FBXL7: variants seen among roughly 807,000 people sequenced by gnomAD.
FBXL7 encodes F-box/LRR-repeat protein 7.
In FBXL7, 12 loss-of-function variants were observed where a neutral mutation model predicts 38.3. The ratio of observed to expected loss-of-function variants is 0.31; its 90% CI spans 0.20 to 0.51. FBXL7 has a LOEUF of 0.51. Among genes scored for constraint, FBXL7 ranks in the 20% least tolerant of loss-of-function variants. The pLI, the probability that FBXL7 is intolerant of heterozygous loss-of-function variation, is 0.98. For missense variants in FBXL7, 567 were observed against 676.4 expected (o/e 0.84, Z 1.79); for synonymous variants, 297 against 300.9 (o/e 0.99, Z 0.13).
chr5:15,883,910 G>T (rs2126345472), intron 2 of FBXL7, among the ~76,000 whole-genome samples: 1 of 152,328 alleles, frequency 6.6e-6, no homozygotes, highest in African/African-American at 2.4e-5. Flanking sequence ...TATAAGGAAA[G>T]TTTTAATCTT....
chr5:15,676,948 G>T (rs1239485679), intron 2 of FBXL7, among the ~76,000 whole-genome samples: 1 of 152,188 alleles, frequency 6.6e-6, no homozygotes, highest in Non-Finnish European at 1.5e-5. Flanking sequence ...TCTTTGATTG[G>T]AAAGCCACAC....
intron 1 of FBXL7, among the ~76,000 whole-genome samples, chr5:15,517,869 A>C (rs537790746): frequency 1.1e-4 from 17 of 152,254 alleles, no homozygotes; most frequent in African/African-American, 3.1e-4. Flanking sequence ...TCCTCTTTGG[A>C]GGGAGCTGCC....
At chr5:15,918,963 T>G (rs1306602705) in intron 2 of FBXL7, among the ~76,000 whole-genome samples, 1 of 152,178 alleles carries the variant, frequency 6.6e-6, no homozygotes, top group Non-Finnish European at 1.5e-5. Flanking sequence ...GTAGATGATC[T>G]GAACCACATT....
intron 1 of FBXL7, among the ~76,000 whole-genome samples, chr5:15,532,257 G>A (rs754899893): frequency 1.7e-4 from 26 of 152,300 alleles, no homozygotes; most frequent in South Asian, 6.2e-4. Context: ...TTCTTAGCCT[G>A]TAATGGCGTT....
At chr5:15,860,901 C>G (rs1016948029) in intron 2 of FBXL7, among the ~76,000 whole-genome samples, 6 of 152,084 alleles carry the variant, frequency 3.9e-5, no homozygotes, top group African/African-American at 9.7e-5. Flanking sequence ...GTATCTTTGC[C>G]AAGGTCAAAC....
intron 2 of FBXL7, among the ~76,000 whole-genome samples, chr5:15,768,242 ACAT>A (rs1413642024): frequency 6.6e-6 from 1 of 152,128 alleles, no homozygotes; most frequent in Non-Finnish European, 1.5e-5. Flanking sequence ...CTAAACAGTA[ACAT>A]TGCTGGCTGG....
intron 2 of FBXL7, among the ~76,000 whole-genome samples, chr5:15,869,793 A>G (rs1739874694): frequency 1.3e-5 from 2 of 152,128 alleles, no homozygotes; most frequent in South Asian, 2.1e-4. Flanking sequence ...GGTTTTCATC[A>G]ATACTGTTTT....
chr5:15,674,526 G>A (rs12652447), intron 2 of FBXL7, among the ~76,000 whole-genome samples: 70,473 of 152,000 alleles, frequency 0.46, 16,863 homozygotes, highest in African/African-American at 0.58. Flanking sequence ...GCAAACTCGC[G>A]TTATGAATTA....
intron 2 of FBXL7, among the ~76,000 whole-genome samples, chr5:15,732,720 C>T (rs991317290): frequency 6.6e-6 from 1 of 152,164 alleles, no homozygotes. Context: ...GGAACTACAA[C>T]TGATGTTAAA....
At chr5:15,862,569 T>C (rs1739522736) in intron 2 of FBXL7, among the ~76,000 whole-genome samples, 1 of 152,170 alleles carries the variant, frequency 6.6e-6, no homozygotes, top group Admixed American at 6.5e-5. Flanking sequence ...AACTCAAAGA[T>C]CTGTAGAGTA....
chr5:15,640,533 T>C (rs1016263415), intron 2 of FBXL7, among the ~76,000 whole-genome samples: 2 of 88,644 alleles, frequency 2.3e-5, no homozygotes, highest in Non-Finnish European at 4.9e-5. Context: ...TTTTTTTTTG[T>C]TTTTTTTTTT....
At chr5:15,525,079 T>C (rs998097446) in intron 1 of FBXL7, among the ~76,000 whole-genome samples, 10 of 152,224 alleles carry the variant, frequency 6.6e-5, no homozygotes, top group African/African-American at 1.4e-4. Context: ...GCCAGGGCAG[T>C]AACCTCCCTT....
intron 1 of FBXL7, among the ~76,000 whole-genome samples, chr5:15,607,694 TA>T (rs1339308424): frequency 6.6e-6 from 1 of 152,246 alleles, no homozygotes; most frequent in Non-Finnish European, 1.5e-5. Context: ...ATTCTTCTGC[TA>T]ACATTGCTGA....
chr5:15,870,719 C>T (rs186342932), intron 2 of FBXL7, among the ~76,000 whole-genome samples: 201 of 152,314 alleles, frequency 1.3e-3, no homozygotes, highest in African/African-American at 4.6e-3. Context: ...GTGGAGCCCA[C>T]CACAGTGCCA....
intron 2 of FBXL7, among the ~76,000 whole-genome samples, chr5:15,668,032 T>G (rs544512433): frequency 5.8e-4 from 89 of 152,298 alleles, no homozygotes; most frequent in Non-Finnish European, 1.1e-3. Context: ...ATTCATTGTT[T>G]GTATCATTAC....
intron 2 of FBXL7, among the ~76,000 whole-genome samples, chr5:15,692,286 A>G (rs1031177947): frequency 6.6e-6 from 1 of 152,242 alleles, no homozygotes; most frequent in African/African-American, 2.4e-5. Flanking sequence ...TACTTGGAAT[A>G]GTGATTGGCA....
At chr5:15,717,890 C>G (rs1744086907) in intron 2 of FBXL7, among the ~76,000 whole-genome samples, 1 of 152,016 alleles carries the variant, frequency 6.6e-6, no homozygotes, top group Admixed American at 6.6e-5. Context: ...TAAAATAAAG[C>G]AAAAATTCCC....
intron 2 of FBXL7, among the ~76,000 whole-genome samples, chr5:15,759,885 A>C (rs757005936): frequency 6.6e-6 from 1 of 152,170 alleles, no homozygotes; most frequent in Non-Finnish European, 1.5e-5. Flanking sequence ...GACCAGAATT[A>C]TTTCAGAACG....
At chr5:15,668,562 C>T (rs1742359971) in intron 2 of FBXL7, among the ~76,000 whole-genome samples, 1 of 152,098 alleles carries the variant, frequency 6.6e-6, no homozygotes, top group African/African-American at 2.4e-5. Context: ...CCCATTTTTC[C>T]TTATTCTCCT....
Sources: gnomAD v4.1 joint callset for allele counts (sites outside exome capture counted in the v4.1 genomes callset) on GRCh38, gnomAD v4.1.1 for gene constraint, MANE v1.5 for transcripts, NCBI Gene and HGNC (gene_info 2026-07-23, HGNC 2026-07-21) for gene names.